Variants in PGAP2 observed in about 807,000 individuals in gnomAD.
PGAP2 encodes post-GPI attachment to proteins 2.
PGAP2 carries 21 observed loss-of-function variants against 33.2 expected under a neutral mutation model. The ratio of observed to expected loss-of-function variants is 0.63; its 90% confidence interval spans 0.45 to 0.91. The LOEUF is 0.91. Ranked by LOEUF, PGAP2 falls within the 40% of genes least tolerant of loss-of-function variation. The pLI is 0.00. For missense variants in PGAP2, 345 were observed against 424.0 expected (o/e 0.81, Z 1.64); for synonymous variants, 161 against 172.9 (o/e 0.93, Z 0.54).
intron 2 of PGAP2, among the ~76,000 whole-genome samples, 197 bp from the exon 3 acceptor site, chr11:3,817,156 G>A (rs981119107): frequency 6.6e-6 from 1 of 152,120 alleles, no homozygotes; most frequent in Non-Finnish European, 1.5e-5. Context: ...CTCTGACCCT[G>A]CCTGTCTCTG....
upstream of PGAP2, chr11:3,808,552 C>A: frequency 7.2e-7 from 1 of 1,393,284 alleles, no homozygotes; most frequent in South Asian, 1.6e-5. Context: ...GCCGGCCCCG[C>A]CCCCGCCGTT....
At chr11:3,824,205 G>A (rs1590421761) in intron 4 of PGAP2, 65 bp from the exon 5 acceptor site, 10 of 1,612,312 alleles carry the variant, frequency 6.2e-6, no homozygotes, top group East Asian at 2.2e-5. Flanking sequence ...TACCACATTC[G>A]GACCTTCCTA....
chr11:3,803,825 G>T (rs1030911951), upstream of PGAP2, among the ~76,000 whole-genome samples: 1 of 138,546 alleles, frequency 7.2e-6, no homozygotes, highest in African/African-American at 2.7e-5. Flanking sequence ...CAGTCTCATT[G>T]TGTCGCCCAG....
Position 3,824,317 on chromosome 11 carries a change from CA to C in PGAP2, c.650del (p.His217ProfsTer11). 1.2e-6 allele frequency: 2 copies of C among 1,614,242 alleles called. No homozygotes were observed. Among genetic ancestry groups the C allele is most frequent in the Non-Finnish European group, 1.7e-6 (2 of 1,180,050 alleles). On this transcript the variant is annotated frameshift_variant, in exon 5 of 7. Transcript: ENST00000278243. LOFTEE classifies it high-confidence loss of function. ...TGTGTTCATTGCCTCATCCCTCGGGCACATGCTCCTCACCTGCATTCTCTGG... is the reference window on the plus strand; with the variant it reads ...TGTGTTCATTGCCTCATCCCTCGGGCCATGCTCCTCACCTGCATTCTCTGG... ...FIVFIASSLG[H>X]MLLTCILWRL...
intron 2 of PGAP2, among the ~76,000 whole-genome samples, chr11:3,813,329 A>T (rs1478250088): frequency 1.3e-5 from 2 of 151,624 alleles, no homozygotes; most frequent in African/African-American, 4.9e-5. Flanking sequence ...AGTCTTCCTA[A>T]CCTCAGACTC....
intron 3 of PGAP2, among the ~76,000 whole-genome samples, chr11:3,819,132 T>C (rs974754876): frequency 3.3e-5 from 5 of 152,202 alleles, no homozygotes; most frequent in Non-Finnish European, 5.9e-5. Context: ...CATTGCAGCC[T>C]TGACCTCCTG....
At chr11:3,816,352 T>C (rs1460356771) in intron 2 of PGAP2, 3 of 152,642 alleles carry the variant, frequency 2.0e-5, no homozygotes, top group Non-Finnish European at 4.4e-5. Context: ...GGCCTTTTAA[T>C]ATCAAGCCAT....
chr11:3,810,603 C>G (rs1387847557), intron 1 of PGAP2, among the ~76,000 whole-genome samples: 1 of 152,214 alleles, frequency 6.6e-6, no homozygotes, highest in Non-Finnish European at 1.5e-5. Context: ...AAACAGCAAT[C>G]CCAGGCTAGC....
intron 3 of PGAP2, chr11:3,822,859 C>A (rs980821943): frequency 2.9e-6 from 3 of 1,045,800 alleles, no homozygotes; most frequent in Non-Finnish European, 4.2e-6. Context: ...CTCAAACAAG[C>A]AAGACACCAG....
chr11:3,800,549 C>T (rs1337486851), intron 1 of PGAP2, among the ~76,000 whole-genome samples: 3 of 152,014 alleles, frequency 2.0e-5, no homozygotes, highest in East Asian at 1.9e-4. Context: ...GGATGGCTCA[C>T]GCCTGTAATC....
At position 3,823,950 on chromosome 11, in the gene PGAP2, G is replaced by A. The variant is rs1333415465; in HGVS notation, c.416G>A (p.Arg139His). ...GAGGTGCCCCAGCGCTACGTGTGGC[G>A]TTTCTGCATCGGCCTGCACTCGGCG... ...GGEVPQRYVWRFCIGLHSAPR... is the reference protein window; with the variant it reads ...GGEVPQRYVWHFCIGLHSAPR... The change falls in exon 4 of 7, where the codon CGT (arginine) becomes CAT (histidine). Residue 139 changes from arginine (R) to histidine (H), a missense_variant. By Grantham distance (29) the Arg-to-His change is conservative. Transcript: ENST00000278243. The A allele has an allele frequency of 8.1e-6, 13 of 1,608,510 alleles. No individual in the cohort carries two copies. Among genetic ancestry groups the A allele is most frequent in the Admixed American group, 5.0e-5 (3 of 59,998 alleles).
rs774004711 is a variant in PGAP2 at position 3,823,661 on chromosome 11, G to A, written c.349-222G>A. The A allele has an allele frequency of 9.7e-6, 15 of 1,550,178 alleles. No homozygotes were observed. In the South Asian group the frequency reaches 1.4e-4, roughly 14 times the overall value. ...ATGGAGAAGGTGCCACCATGCTGCT[G>A]CACAAATCCCAGGATAGCTGGGGAA... is the stretch of plus-strand genomic sequence containing the variant. On this transcript the variant is annotated intron_variant, in intron 3 of 6. Transcript: ENST00000278243.
At position 3,817,532 on chromosome 11, in the gene PGAP2, TG is replaced by T; in HGVS notation, c.348+1del. 1.2e-6 allele frequency: 2 copies of T among 1,613,550 alleles called. No homozygotes were observed. Among genetic ancestry groups the T allele is most frequent in the Non-Finnish European group, 1.7e-6 (2 of 1,179,598 alleles). The part of the protein sequence containing the change: ...HFEYTVATDC[G>X]VPNYLPSVSS... The stretch of plus-strand genomic sequence containing the variant: ...TTGAGTACACGGTGGCCACTGACTG[TG>T]GGGTGAGTGCCAGCTCCCCAGCCCC... On this transcript the variant is annotated frameshift_variant and splice_region_variant, in exon 3 of 7. Coordinates refer to ENST00000278243, the MANE Select transcript of PGAP2 (RefSeq NM_014489.4). LOFTEE classifies it high-confidence loss of function.
intron 1 of PGAP2, among the ~76,000 whole-genome samples, chr11:3,810,732 G>T (rs2085372797): frequency 6.6e-6 from 1 of 152,210 alleles, no homozygotes; most frequent in African/African-American, 2.4e-5. Context: ...GTGGACTGCG[G>T]TGCAGGCACA....
chr11:3,800,041 G>T (rs891358021), intron 1 of PGAP2, among the ~76,000 whole-genome samples: 1 of 152,176 alleles, frequency 6.6e-6, no homozygotes, highest in Non-Finnish European at 1.5e-5. Context: ...CATTGTAGGT[G>T]CTCAGTAGAT....
chr11:3,818,220 G>T (rs2087606602), intron 3 of PGAP2, among the ~76,000 whole-genome samples: 1 of 151,384 alleles, frequency 6.6e-6, no homozygotes, highest in Non-Finnish European at 1.5e-5. Flanking sequence ...AAAAAAATTA[G>T]CTGGGCATGG....
intron 3 of PGAP2, chr11:3,822,855 C>A: frequency 9.9e-7 from 1 of 1,012,206 alleles, no homozygotes; most frequent in Non-Finnish European, 1.5e-6. Context: ...ACCTCTCAAA[C>A]AAGCAAGACA....
At chr11:3,805,975 A>G (rs1400647014), upstream of PGAP2, among the ~76,000 whole-genome samples, 1 of 72 alleles carries the variant, frequency 0.014, no homozygotes, top group Non-Finnish European at 0.024. Context: ...GTGAGCCACC[A>G]CGCCCCCGCG....
intron 1 of PGAP2, chr11:3,798,008 C>T: frequency 6.5e-7 from 1 of 1,535,092 alleles, no homozygotes; most frequent in Middle Eastern, 1.7e-4. Flanking sequence ...TTTCCTTGCC[C>T]CGGTCCGCCG....
Sources: allele counts gnomAD v4.1 joint callset (sites outside exome capture counted in the v4.1 genomes callset), GRCh38; gene constraint gnomAD v4.1.1; transcripts MANE v1.5; gene names NCBI Gene and HGNC (gene_info 2026-07-23, HGNC 2026-07-21).